Variants in BAX observed in about 807,000 individuals in gnomAD.
The protein encoded by BAX is BCL2 associated X, apoptosis regulator, also known as apoptosis regulator BAX.
In BAX, 21 loss-of-function variants were observed where a neutral mutation model predicts 26.8. The ratio of observed to expected loss-of-function variants is 0.78; its 90% CI spans 0.56 to 1.13. The LOEUF is 1.13. BAX is among the 50% of genes most tolerant of loss of function. The pLI is 0.00. For synonymous variants in BAX, 110 were observed against 101.8 expected, an observed-to-expected ratio of 1.08 and a Z score of -0.49; for missense variants, 236 against 254.6, an observed-to-expected ratio of 0.93 and a Z score of 0.50.
intron 4 of BAX, among the ~76,000 whole-genome samples, chr19:48,958,556 T>C (rs78352540): frequency 6.8e-6 from 1 of 146,084 alleles, no homozygotes; most frequent in Non-Finnish European, 1.5e-5. Flanking sequence ...TTTTTTTTTT[T>C]CCTGAGACGG....
chr19:48,961,705 T>C lies in BAX; in HGVS notation c.*69T>C, dbSNP rs546174884. 2.9e-5 allele frequency: 37 copies of C among 1,281,358 alleles called. No individual in the cohort carries two copies. The highest frequency in any genetic ancestry group is 1.4e-4 in the South Asian group (11 of 77,938). The allele number at this position is 1,281,358 out of a possible 1,614,324, so 79.4% of individuals were successfully genotyped here. On this transcript the variant is annotated 3_prime_UTR_variant, in exon 6 of 6. Transcript: ENST00000345358. Reference sequence around the variant, plus strand: ...GGCATTTTTCTGGGAGGGGTGGGGATTGGGGGACGTGGGCATTTTTCTTAC... The same window carrying C: ...GGCATTTTTCTGGGAGGGGTGGGGACTGGGGGACGTGGGCATTTTTCTTAC...
intron 4 of BAX, among the ~76,000 whole-genome samples, chr19:48,958,175 A>G (rs890452001): frequency 6.6e-6 from 1 of 151,270 alleles, no homozygotes; most frequent in Non-Finnish European, 1.5e-5. Context: ...TGCAGCCTCA[A>G]ACCGCTGGGG....
intron 3 of BAX, 23 bp from the exon 4 acceptor site, chr19:48,956,175 A>G (rs768620338): frequency 2.7e-6 from 4 of 1,493,056 alleles, no homozygotes; most frequent in Admixed American, 4.8e-5. Context: ...GCTCCCCGGC[A>G]CTGGTTCTCC....
At chr19:48,957,265 C>T (rs200651016) in intron 4 of BAX, among the ~76,000 whole-genome samples, 339 of 54,618 alleles carry the variant, frequency 6.2e-3, no homozygotes, top group Middle Eastern at 0.025. Flanking sequence ...TTTTTCTTTT[C>T]TTTTTTTTTT....
intron 4 of BAX, among the ~76,000 whole-genome samples, chr19:48,959,924 C>T (rs1285632928): frequency 1.4e-5 from 2 of 146,366 alleles, no homozygotes; most frequent in South Asian, 2.2e-4. Context: ...ACCCAGAAGG[C>T]AAAGCTTTCA....
chr19:48,961,318 C>T (rs2038351619), intron 5 of BAX: 5 of 1,357,446 alleles, frequency 3.7e-6, no homozygotes, highest in Non-Finnish European at 4.9e-6. Flanking sequence ...AACTCCTGGC[C>T]TCAAGCGATC....
chr19:48,956,000 C>G (rs2038114441), intron 3 of BAX, 167 bp downstream of exon 3: 1 of 1,134,404 alleles, frequency 8.8e-7, no homozygotes, highest in African/African-American at 1.6e-5. Flanking sequence ...TCTTAAAACC[C>G]TCCTTCAGGG....
At position 48,956,283 on chromosome 19, in the gene BAX, T is replaced by A. The variant is rs367558446; in HGVS notation, c.319T>A (p.Trp107Arg). 6.3e-7 allele frequency: 1 copy of A among 1,590,002 alleles called. No homozygotes were observed. Among genetic ancestry groups the A allele is most frequent in the Non-Finnish European group, 8.6e-7 (1 of 1,168,978 alleles). Residue 107 changes from tryptophan (W) to arginine (R), a missense_variant, in exon 4 of 6, where the codon TGG becomes AGG. Physicochemically the swap from Trp to Arg is moderately radical, Grantham distance 101. Coordinates refer to ENST00000345358, the MANE Select transcript of BAX (RefSeq NM_138761.4). ...ADMFSDGNFN[W>R]GRVVALFYFA... Reference sequence around the variant, plus strand: ...CATGTTTTCTGACGGCAACTTCAACTGGGGCCGGGTTGTCGCCCTTTTCTA... The same window carrying A: ...CATGTTTTCTGACGGCAACTTCAACAGGGGCCGGGTTGTCGCCCTTTTCTA...
chr19:48,956,827 T>G (rs2038154248), intron 4 of BAX, among the ~76,000 whole-genome samples: 1 of 103,180 alleles, frequency 9.7e-6, no homozygotes, highest in Non-Finnish European at 2.2e-5. Context: ...GGCTTTTTTT[T>G]TTTTTTTTTT....
chr19:48,959,078 T>C (rs1053036537), intron 4 of BAX, among the ~76,000 whole-genome samples: 3 of 149,600 alleles, frequency 2.0e-5, no homozygotes, highest in African/African-American at 4.9e-5. Flanking sequence ...TGGCTGGGCG[T>C]GGTGGCTCAC....
intron 1 of BAX, 180 bp downstream of exon 1, chr19:48,955,142 G>C: frequency 1.4e-6 from 1 of 735,490 alleles, no homozygotes; most frequent in East Asian, 3.4e-5. Flanking sequence ...TCTGATCCCC[G>C]TGTCCCGATC....
chr19:48,959,074 G>A (rs1378254478), intron 4 of BAX, among the ~76,000 whole-genome samples: 1 of 151,624 alleles, frequency 6.6e-6, no homozygotes, highest in African/African-American at 2.4e-5. Context: ...TCTCTGGCTG[G>A]GCGTGGTGGC....
chr19:48,956,154 G>T, intron 3 of BAX, 44 bp from the exon 4 acceptor site: 1 of 1,474,388 alleles, frequency 6.8e-7, no homozygotes, highest in Non-Finnish European at 9.0e-7. Flanking sequence ...TCCACCATCA[G>T]CCTGATGCCT....
Position 48,956,247 on chromosome 19 carries a change from G to T in BAX, c.283G>T (p.Val95Leu), listed in dbSNP as rs1326365382. The T allele has an allele frequency of 1.9e-6, 3 of 1,590,938 alleles. No homozygotes were observed. The highest frequency in any genetic ancestry group is 1.1e-5 in the South Asian group (1 of 88,238). ...TDSPREVFFR[V>L]AADMFSDGNF... is the part of the protein sequence containing the mutation. ...CTCCCCCCGAGAGGTCTTTTTCCGA[G>T]TGGCAGCTGACATGTTTTCTGACGG... The change falls in exon 4 of 6, where the codon GTG becomes TTG. Residue 95 changes from valine to leucine, a missense_variant. Coordinates refer to ENST00000345358, the MANE Select transcript of BAX (RefSeq NM_138761.4).
At chr19:48,956,370 C>A in intron 4 of BAX, 37 bp downstream of exon 4, 1 of 1,484,692 alleles carries the variant, frequency 6.7e-7, no homozygotes, top group African/African-American at 1.4e-5. Flanking sequence ...AGGGATGCTC[C>A]CCCTCAGATC....
intron 1 of BAX, 57 bp from the exon 2 acceptor site, chr19:48,955,491 T>TC: frequency 6.4e-7 from 1 of 1,567,546 alleles, no homozygotes; most frequent in South Asian, 1.2e-5. Context: ...CTCCACAGTC[T>TC]CCTGATCCCC....
intron 1 of BAX, 127 bp from the exon 2 acceptor site, chr19:48,955,421 T>C: frequency 9.2e-7 from 1 of 1,085,978 alleles, no homozygotes; most frequent in Non-Finnish European, 1.3e-6. Context: ...CGTCACTTTA[T>C]CTGCTAGGGT....
intron 4 of BAX, among the ~76,000 whole-genome samples, chr19:48,956,914 CA>C (rs1256242807): frequency 6.7e-6 from 1 of 149,658 alleles, no homozygotes; most frequent in African/African-American, 2.5e-5. Flanking sequence ...TCAAGTGATC[CA>C]CCTGCCTTGG....
In BAX at chr19:48,956,217, A is replaced by G. The variant is rs1447155545; in HGVS notation, c.253A>G (p.Thr85Ala). The G allele has an allele frequency of 1.3e-6, 2 of 1,557,972 alleles. No individual in the cohort carries two copies. The highest frequency in any genetic ancestry group is 1.2e-5 in the South Asian group (1 of 85,438). Residue 85 changes from threonine (T) to alanine (A), a missense_variant, in exon 4 of 6, where the codon ACA (threonine) becomes GCA (alanine). Thr to Ala is a moderately conservative substitution (Grantham distance 58). Transcript: ENST00000345358. Reference protein sequence around the residue: ...ELQRMIAAVDTDSPREVFFRV... With the variant: ...ELQRMIAAVDADSPREVFFRV... ...CTGCAGGATGATTGCCGCCGTGGAC[A>G]CAGACTCCCCCCGAGAGGTCTTTTT... is the stretch of plus-strand genomic sequence containing the variant.
Sources: allele counts gnomAD v4.1 joint callset (sites outside exome capture counted in the v4.1 genomes callset), GRCh38; gene constraint gnomAD v4.1.1; transcripts MANE v1.5; gene names NCBI Gene and HGNC (gene_info 2026-07-23, HGNC 2026-07-21).